Variants in NUMB observed in about 807,000 individuals in gnomAD.
The protein encoded by NUMB is NUMB endocytic adaptor protein, also known as protein numb homolog.
A neutral mutation model predicts 59.7 loss-of-function variants in NUMB; 29 were observed. The ratio of observed to expected loss-of-function variants is 0.49; its 90% CI spans 0.36 to 0.66. NUMB has a LOEUF of 0.66. Ranked by LOEUF, NUMB falls within the 30% of genes least tolerant of loss-of-function variation. The pLI is 0.00. For synonymous variants in NUMB, 288 were observed against 288.2 expected (o/e 1.00, Z 0.01); for missense variants, 723 against 822.0 (o/e 0.88, Z 1.47).
At chr14:73,441,859 CA>C (rs1410734114) in intron 1 of NUMB, among the ~76,000 whole-genome samples, 1 of 151,560 alleles carries the variant, frequency 6.6e-6, no homozygotes, top group African/African-American at 2.4e-5. Flanking sequence ...GGTGACAGAC[CA>C]AAATTCTGTC....
In NUMB at chr14:73,409,595, T is replaced by C. The variant is rs76773236; in HGVS notation, c.-101+342A>G. 2.0e-4 allele frequency: 31 copies of C among 152,342 alleles called. No homozygotes were observed. The East Asian group carries it at 5.4e-3, about 27-fold the overall frequency. 9.4% of individuals were successfully genotyped at this position (152,342 alleles called of 1,614,324 possible). A position where few individuals can be genotyped will look rare whatever the true frequency, so the allele number is the denominator to read the frequency against. Reference sequence around the variant, plus strand: ...AAGCCTTGCTCAAACTGCAAATATATGAACAAAATAAATGACTGTTGTTTT... The same window carrying C: ...AAGCCTTGCTCAAACTGCAAATATACGAACAAAATAAATGACTGTTGTTTT... On this transcript the variant is annotated intron_variant, in intron 2 of 12. Transcript: ENST00000555238.
At chr14:73,343,039 C>A (rs564191222) in intron 4 of NUMB, among the ~76,000 whole-genome samples, 1 of 150,954 alleles carries the variant, frequency 6.6e-6, no homozygotes, top group African/African-American at 2.4e-5. Context: ...CCCTATGTTG[C>A]GGAGGCTTCA....
intron 1 of NUMB, among the ~76,000 whole-genome samples, chr14:73,447,749 C>T (rs1342725093): frequency 6.7e-6 from 1 of 149,058 alleles, no homozygotes; most frequent in Non-Finnish European, 1.5e-5. Context: ...AATGACCAGT[C>T]ATGTAAATGG....
chr14:73,357,379 G>A (rs1218735887), intron 3 of NUMB, among the ~76,000 whole-genome samples: 2 of 147,600 alleles, frequency 1.4e-5, no homozygotes, highest in African/African-American at 5.0e-5. Context: ...CTCCAGCCTA[G>A]GCAAAAGAGA....
intron 1 of NUMB, among the ~76,000 whole-genome samples, chr14:73,443,390 G>A (rs1364334035): frequency 2.6e-5 from 4 of 152,060 alleles, no homozygotes; most frequent in Non-Finnish European, 5.9e-5. Flanking sequence ...GAGGTCAGGA[G>A]TTCCAGACCA....
At chr14:73,428,808 T>C (rs1897697487) in intron 1 of NUMB, among the ~76,000 whole-genome samples, 1 of 151,984 alleles carries the variant, frequency 6.6e-6, no homozygotes, top group African/African-American at 2.4e-5. Flanking sequence ...TGAGACCCTG[T>C]CTCTACAACA....
chr14:73,392,692 A>C (rs1325558241), intron 2 of NUMB, among the ~76,000 whole-genome samples: 1 of 152,230 alleles, frequency 6.6e-6, no homozygotes. Flanking sequence ...AACAATAATT[A>C]AATGTTGCAA....
intron 1 of NUMB, among the ~76,000 whole-genome samples, chr14:73,440,223 A>C (rs1158011208): frequency 1.4e-5 from 2 of 146,316 alleles, no homozygotes; most frequent in African/African-American, 2.6e-5. Context: ...ATCCATATAT[A>C]TATATGGATA....
At chr14:73,287,459 A>G (rs1889094885) in intron 8 of NUMB, 145 bp from the exon 9 acceptor site, 1 of 682,420 alleles carries the variant, frequency 1.5e-6, no homozygotes. Flanking sequence ...GCTCACTGCA[A>G]CCTCTGCCTC....
At chr14:73,355,916 T>A in intron 3 of NUMB, 150 bp from the exon 4 acceptor site, 1 of 567,592 alleles carries the variant, frequency 1.8e-6, no homozygotes, top group South Asian at 2.4e-5. Context: ...GTAAGCACAG[T>A]GTAAAGGGAA....
At chr14:73,295,561 G>T (rs1889719539) in intron 7 of NUMB, among the ~76,000 whole-genome samples, 1 of 151,728 alleles carries the variant, frequency 6.6e-6, no homozygotes, top group South Asian at 2.1e-4. Flanking sequence ...TGCTTCTCTT[G>T]AACTTAAAAA....
chr14:73,282,170 C>T, intron 11 of NUMB, 189 bp downstream of exon 11: 1 of 519,256 alleles, frequency 1.9e-6, no homozygotes, highest in South Asian at 3.6e-5. Context: ...ACACAGACAT[C>T]TTAGAAAACA....
intron 3 of NUMB, among the ~76,000 whole-genome samples, chr14:73,366,526 C>G (rs1358353813): frequency 1.3e-5 from 2 of 152,086 alleles, no homozygotes; most frequent in East Asian, 3.8e-4. Context: ...ATCATTCAAT[C>G]TTTACAATAA....
At chr14:73,378,705 A>G (rs1293600293) in intron 2 of NUMB, among the ~76,000 whole-genome samples, 1 of 152,218 alleles carries the variant, frequency 6.6e-6, no homozygotes, top group Non-Finnish European at 1.5e-5. Flanking sequence ...AAAATGTCAC[A>G]CTATGGAGAC....
intron 1 of NUMB, among the ~76,000 whole-genome samples, chr14:73,437,924 T>C (rs1041221721): frequency 2.0e-5 from 3 of 152,232 alleles, no homozygotes; most frequent in Non-Finnish European, 2.9e-5. Flanking sequence ...AAAGGAAATG[T>C]TAATGATCAT....
At chr14:73,393,867 A>G (rs1434113213) in intron 2 of NUMB, among the ~76,000 whole-genome samples, 1 of 152,232 alleles carries the variant, frequency 6.6e-6, no homozygotes, top group African/African-American at 2.4e-5. Flanking sequence ...CAACTTTCAT[A>G]GCAAGTGGGT....
intron 4 of NUMB, among the ~76,000 whole-genome samples, chr14:73,331,576 G>T (rs1180059944): frequency 6.6e-6 from 1 of 151,984 alleles, no homozygotes; most frequent in South Asian, 2.1e-4. Flanking sequence ...TCTTCTAAAA[G>T]ATACCTGATA....
intron 2 of NUMB, among the ~76,000 whole-genome samples, chr14:73,382,761 T>C (rs1038737070): frequency 1.3e-5 from 2 of 152,212 alleles, no homozygotes; most frequent in African/African-American, 2.4e-5. Context: ...CCATATATGA[T>C]GTTTGACATT....
intron 5 of NUMB, among the ~76,000 whole-genome samples, chr14:73,318,037 C>A (rs1442738383): frequency 6.6e-6 from 1 of 152,174 alleles, no homozygotes; most frequent in Non-Finnish European, 1.5e-5. Context: ...TGAACTGCAA[C>A]TGGAAAAATA....
Sources: allele counts gnomAD v4.1 joint callset (sites outside exome capture counted in the v4.1 genomes callset), GRCh38; gene constraint gnomAD v4.1.1; transcripts MANE v1.5; gene names NCBI Gene and HGNC (gene_info 2026-07-23, HGNC 2026-07-21).